MIR2052HG: variants seen among roughly 807,000 people sequenced by gnomAD.
The protein encoded by MIR2052HG is MIR2052 host gene.
intron 4 of MIR2052HG, among the ~76,000 whole-genome samples, chr8:74,730,848 T>G (rs571747495): frequency 9.8e-5 from 15 of 152,330 alleles, no homozygotes; most frequent in African/African-American, 3.4e-4. Flanking sequence ...TAAATAATTT[T>G]TATTGAAATA....
chr8:74,652,196 G>A (rs1030189416), intron 2 of MIR2052HG, among the ~76,000 whole-genome samples: 1 of 152,152 alleles, frequency 6.6e-6, no homozygotes, highest in Non-Finnish European at 1.5e-5. Flanking sequence ...ATTTAAGGCT[G>A]TCTTACTCAA....
intron 1 of MIR2052HG, among the ~76,000 whole-genome samples, chr8:74,612,040 C>A (rs2128731432): frequency 1.3e-5 from 2 of 150,494 alleles, no homozygotes; most frequent in Middle Eastern, 6.9e-3. Context: ...AGAGTCTTAT[C>A]TTCAAGTGCT....
chr8:74,650,020 T>G (rs903730612), intron 2 of MIR2052HG, among the ~76,000 whole-genome samples: 1 of 152,142 alleles, frequency 6.6e-6, no homozygotes, highest in Non-Finnish European at 1.5e-5. Context: ...TGCAATTAAT[T>G]TCATTTATGA....
At chr8:74,670,343 A>G (rs924032714) in intron 2 of MIR2052HG, among the ~76,000 whole-genome samples, 5 of 152,180 alleles carry the variant, frequency 3.3e-5, no homozygotes, top group African/African-American at 9.7e-5. Flanking sequence ...GGTAAAAGAC[A>G]GAGTATGAAA....
chr8:74,727,782 G>A (rs185913389), intron 4 of MIR2052HG, among the ~76,000 whole-genome samples: 241 of 152,300 alleles, frequency 1.6e-3, no homozygotes, highest in African/African-American at 5.6e-3. Flanking sequence ...AAGAGCTCTG[G>A]GGTGTGTTTG....
At chr8:74,686,613 C>G (rs1270124072) in intron 2 of MIR2052HG, among the ~76,000 whole-genome samples, 1 of 152,070 alleles carries the variant, frequency 6.6e-6, no homozygotes, top group Non-Finnish European at 1.5e-5. Context: ...TTTCTTGAAT[C>G]TATTCTTCAG....
chr8:74,735,157 AAC>A (rs1406043847), intron 4 of MIR2052HG, among the ~76,000 whole-genome samples: 1 of 152,198 alleles, frequency 6.6e-6, no homozygotes, highest in African/African-American at 2.4e-5. Context: ...GTGAGGATGA[AAC>A]ACAATGTAAT....
chr8:74,718,258 G>C (rs762595846), intron 4 of MIR2052HG, among the ~76,000 whole-genome samples: 19 of 151,828 alleles, frequency 1.3e-4, no homozygotes, highest in Non-Finnish European at 2.2e-4. Flanking sequence ...TATTAGTAAG[G>C]ACACAGATTT....
At chr8:74,749,206 A>C (rs753037769) in intron 4 of MIR2052HG, among the ~76,000 whole-genome samples, 1 of 152,240 alleles carries the variant, frequency 6.6e-6, no homozygotes, top group Non-Finnish European at 1.5e-5. Flanking sequence ...TACTGTCAGC[A>C]TCCTATCAGC....
intron 1 of MIR2052HG, chr8:74,612,628 G>A (rs930903999): frequency 2.3e-5 from 7 of 302,766 alleles, no homozygotes; most frequent in African/African-American, 1.5e-4. Flanking sequence ...GAAGAAAAGA[G>A]GAGTATCCTT....
At chr8:74,646,617 C>T (rs796869703) in intron 2 of MIR2052HG, among the ~76,000 whole-genome samples, 17 of 152,160 alleles carry the variant, frequency 1.1e-4, no homozygotes, top group African/African-American at 3.9e-4. Context: ...ACATATAACA[C>T]TGGATATTTA....
chr8:74,738,270 C>G (rs1009633107), intron 4 of MIR2052HG, among the ~76,000 whole-genome samples: 15 of 152,170 alleles, frequency 9.9e-5, no homozygotes, highest in African/African-American at 3.6e-4. Flanking sequence ...ACCAACTCCT[C>G]TCTGGCAAGA....
intron 2 of MIR2052HG, among the ~76,000 whole-genome samples, chr8:74,613,321 T>G (rs1364195170): frequency 6.6e-6 from 1 of 152,186 alleles, no homozygotes; most frequent in African/African-American, 2.4e-5. Flanking sequence ...TCAACTATAA[T>G]ATTCTTGATA....
At chr8:74,637,171 A>C (rs1808590428) in intron 2 of MIR2052HG, among the ~76,000 whole-genome samples, 1 of 152,162 alleles carries the variant, frequency 6.6e-6, no homozygotes, top group South Asian at 2.1e-4. Context: ...AACTGGGTCT[A>C]GGAAGATGTG....
chr8:74,704,512 C>T (rs552840390), intron 4 of MIR2052HG, among the ~76,000 whole-genome samples: 1 of 152,168 alleles, frequency 6.6e-6, no homozygotes, highest in African/African-American at 2.4e-5. Context: ...GACTTCCATT[C>T]CTCCTATCCT....
chr8:74,687,211 C>A (rs577118808), intron 2 of MIR2052HG, among the ~76,000 whole-genome samples: 3 of 152,166 alleles, frequency 2.0e-5, no homozygotes, highest in African/African-American at 7.2e-5. Flanking sequence ...TTGGTGGGGA[C>A]TTCGAAGAAT....
intron 1 of MIR2052HG, among the ~76,000 whole-genome samples, chr8:74,608,633 T>C (rs1009665264): frequency 6.6e-6 from 1 of 152,178 alleles, no homozygotes; most frequent in Non-Finnish European, 1.5e-5. Context: ...ACAAAGTATA[T>C]TGTCAGACCA....
At chr8:74,687,816 G>A (rs1809198607) in intron 2 of MIR2052HG, among the ~76,000 whole-genome samples, 1 of 152,096 alleles carries the variant, frequency 6.6e-6, no homozygotes, top group South Asian at 2.1e-4. Context: ...TATTAACTGG[G>A]TAGATTTTAT....
In MIR2052HG at chr8:74,665,521, A is replaced by C. The variant is rs111702927; in HGVS notation, n.217-36858A>C. Among the ~76,000 whole-genome samples the C allele has an allele frequency of 1.5e-3, 227 of 152,204 alleles. 1 individual carries two copies. Among genetic ancestry groups the C allele is most frequent in the Non-Finnish European group, 2.0e-3 (133 of 68,016 alleles). On this transcript the variant is annotated intron_variant and non_coding_transcript_variant, in intron 2 of 6. Transcript: ENST00000523442. ...GCTTCTATCTCCTGCAATATACAGA[A>C]CTTCTAGCCATTGCTTCCCTCCTTG...
Sources: allele counts gnomAD v4.1 joint callset (sites outside exome capture counted in the v4.1 genomes callset), GRCh38; gene constraint gnomAD v4.1.1; transcripts MANE v1.5; gene names NCBI Gene and HGNC (gene_info 2026-07-23, HGNC 2026-07-21).